Variants in LUC7L2 observed in about 807,000 individuals in gnomAD.
LUC7L2 encodes the protein LUC7 like 2, pre-mRNA splicing factor.
In LUC7L2, 25 loss-of-function variants were observed where a neutral mutation model predicts 52.8. The observed-to-expected ratio is 0.47, with a 90% CI of 0.34 to 0.66. The LOEUF (loss-of-function observed/expected upper bound fraction) is 0.66. LUC7L2 is among the 30% of genes least tolerant of loss of function. The pLI is 0.01. For missense variants in LUC7L2, 328 were observed against 497.8 expected (o/e 0.66, Z 3.25); for synonymous variants, 144 against 160.9 (o/e 0.89, Z 0.80).
At chr7:139,347,831 G>C (rs977378029) in intron 1 of LUC7L2, among the ~76,000 whole-genome samples, 3 of 152,044 alleles carry the variant, frequency 2.0e-5, no homozygotes, top group Non-Finnish European at 2.9e-5. Flanking sequence ...CTCCTGAGTG[G>C]CTGGGACTGC....
chr7:139,366,767 TTCAGCATCACC>T (rs1191849714), intron 1 of LUC7L2, among the ~76,000 whole-genome samples: 1 of 152,200 alleles, frequency 6.6e-6, no homozygotes, highest in South Asian at 2.1e-4. Context: ...GGAGCAGCAA[TTCAGCATCACC>T]TCAGCATCAC....
At chr7:139,421,660 G>A (rs565474035) in intron 9 of LUC7L2, among the ~76,000 whole-genome samples, 7 of 152,176 alleles carry the variant, frequency 4.6e-5, no homozygotes, top group African/African-American at 1.2e-4. Flanking sequence ...AACTGTTGCC[G>A]ATAGGCCAAA....
At chr7:139,366,564 A>G (rs1270320954) in intron 1 of LUC7L2, among the ~76,000 whole-genome samples, 1 of 152,208 alleles carries the variant, frequency 6.6e-6, no homozygotes, top group Non-Finnish European at 1.5e-5. Flanking sequence ...TTTGGTAAAT[A>G]AAGTTTTATT....
At chr7:139,398,039 G>A (rs1054894234) in intron 2 of LUC7L2, among the ~76,000 whole-genome samples, 9 of 151,952 alleles carry the variant, frequency 5.9e-5, no homozygotes, top group Non-Finnish European at 8.8e-5. Flanking sequence ...TTTTAAAATT[G>A]AGACAGGTGT....
At chr7:139,356,002 T>C (rs1585067086), upstream of LUC7L2, among the ~76,000 whole-genome samples, 1 of 152,108 alleles carries the variant, frequency 6.6e-6, no homozygotes, top group Admixed American at 6.5e-5. Flanking sequence ...TTAGGTAGAA[T>C]GTATGTGCCC....
chr7:139,366,601 C>G (rs572302697), intron 1 of LUC7L2, among the ~76,000 whole-genome samples: 62 of 152,316 alleles, frequency 4.1e-4, no homozygotes, highest in African/African-American at 1.4e-3. Flanking sequence ...GATTCATATA[C>G]ATGATGTCTA....
intron 1 of LUC7L2, among the ~76,000 whole-genome samples, chr7:139,366,412 T>C (rs910836486): frequency 2.0e-5 from 3 of 152,220 alleles, no homozygotes; most frequent in Non-Finnish European, 4.4e-5. Context: ...ATCTATAATA[T>C]ACCTGGCTGT....
chr7:139,417,703 TAGG>T lies in LUC7L2; in HGVS notation c.978_980del (p.Arg326del), dbSNP rs750962477. 2 of 1,614,110 alleles carry T rather than the reference TAGG, an allele frequency of 1.2e-6. No homozygotes were observed. The highest frequency in any genetic ancestry group is 8.5e-7 in the Non-Finnish European group (1 of 1,180,010). ...AGAGAAGTCGGCACAGTTCTAGAGATAGGAGCAGAGAACGATCCAAGAGGAGGT... is the reference window on the plus strand; with the variant it reads ...AGAGAAGTCGGCACAGTTCTAGAGATAGCAGAGAACGATCCAAGAGGAGGT... On this transcript the variant is annotated inframe_deletion, in exon 9 of 10. Coordinates refer to ENST00000354926, the MANE Select transcript of LUC7L2 (RefSeq NM_016019.5).
chr7:139,376,188 C>T, intron 2 of LUC7L2, 32 bp downstream of exon 2: 1 of 1,604,676 alleles, frequency 6.2e-7, no homozygotes, highest in Non-Finnish European at 8.5e-7. Context: ...TGTTAGATTA[C>T]TGATATGCTG....
chr7:139,376,723 G>A (rs1404550966), intron 2 of LUC7L2, among the ~76,000 whole-genome samples: 2 of 152,180 alleles, frequency 1.3e-5, no homozygotes, highest in Admixed American at 6.5e-5. Context: ...GCATGATGAT[G>A]GACCTGTTGG....
chr7:139,414,037 A>T (rs1223537546), intron 8 of LUC7L2, among the ~76,000 whole-genome samples: 1 of 152,186 alleles, frequency 6.6e-6, no homozygotes, highest in Non-Finnish European at 1.5e-5. Flanking sequence ...ATCTTTAGAT[A>T]TTTGGGCCAG....
At chr7:139,412,843 A>G (rs968577437) in intron 8 of LUC7L2, 87 of 227,348 alleles carry the variant, frequency 3.8e-4, no homozygotes, top group Non-Finnish European at 5.9e-4. Context: ...AAAAAAAAAA[A>G]AAAAAGAAAA....
At chr7:139,379,612 C>T (rs1800894709) in intron 2 of LUC7L2, among the ~76,000 whole-genome samples, 1 of 113,340 alleles carries the variant, frequency 8.8e-6, no homozygotes, top group Non-Finnish European at 1.6e-5. Flanking sequence ...CTCTGTTGGC[C>T]CGGGTGGAGT....
At chr7:139,379,282 G>A (rs1385489607) in intron 2 of LUC7L2, among the ~76,000 whole-genome samples, 2 of 152,080 alleles carry the variant, frequency 1.3e-5, no homozygotes, top group African/African-American at 4.8e-5. Context: ...TGGGAAGGTT[G>A]CCTGAACTCA....
intron 1 of LUC7L2, among the ~76,000 whole-genome samples, chr7:139,347,747 T>C (rs1799317003): frequency 6.6e-6 from 1 of 152,230 alleles, no homozygotes; most frequent in Non-Finnish European, 1.5e-5. Flanking sequence ...GGTCTCACTC[T>C]GTTGCCCAGG....
At chr7:139,382,146 TC>T (rs1260048391) in intron 2 of LUC7L2, among the ~76,000 whole-genome samples, 1 of 152,078 alleles carries the variant, frequency 6.6e-6, no homozygotes, top group Non-Finnish European at 1.5e-5. Flanking sequence ...TACCTTGGCC[TC>T]CCAAAGTGCT....
At chr7:139,417,478 T>C in intron 8 of LUC7L2, 60 bp from the exon 9 acceptor site, 1 of 1,554,528 alleles carries the variant, frequency 6.4e-7, no homozygotes, top group South Asian at 1.2e-5. Flanking sequence ...GAAAAGGCTT[T>C]AATAAATGAG....
At chr7:139,351,246 A>G (rs1799450223) in intron 1 of LUC7L2, among the ~76,000 whole-genome samples, 1 of 152,070 alleles carries the variant, frequency 6.6e-6, no homozygotes, top group Non-Finnish European at 1.5e-5. Context: ...CTCAAATTCA[A>G]TGTGTGCGAA....
chr7:139,419,659 C>T (rs1233344816), intron 9 of LUC7L2, among the ~76,000 whole-genome samples: 3 of 152,074 alleles, frequency 2.0e-5, no homozygotes, highest in Non-Finnish European at 4.4e-5. Flanking sequence ...GAAGGATGGG[C>T]GTGAAGTCCC....
Sources: allele counts gnomAD v4.1 joint callset (sites outside exome capture counted in the v4.1 genomes callset), GRCh38; gene constraint gnomAD v4.1.1; transcripts MANE v1.5; gene names NCBI Gene and HGNC (gene_info 2026-07-23, HGNC 2026-07-21).